Variants in RAD54L2 observed in about 807,000 individuals in gnomAD.
RAD54L2 encodes the protein RAD54 like 2.
A neutral mutation model predicts 138.4 loss-of-function variants in RAD54L2; 27 were observed. That is an observed-to-expected ratio of 0.20 (90% CI 0.14 to 0.27). The LOEUF is 0.27. Ranked by LOEUF, RAD54L2 falls within the 10% of genes least tolerant of loss-of-function variation. The pLI, the probability that RAD54L2 is intolerant of heterozygous loss-of-function variation, is 1.00. For synonymous variants in RAD54L2, 644 were observed against 723.2 expected (o/e 0.89, Z 1.76); for missense variants, 1,396 against 1,890.2 (o/e 0.74, Z 4.85).
chr3:51,600,881 C>T (rs557530004), intron 3 of RAD54L2, among the ~76,000 whole-genome samples: 4 of 151,824 alleles, frequency 2.6e-5, no homozygotes, highest in African/African-American at 7.3e-5. Flanking sequence ...ACAGGAGAAT[C>T]GCTTGAACCC....
rs1224035762 is a variant in RAD54L2, at chr3:51,589,679, T to TAC, written c.-54-687_-54-686insCA. Among the ~76,000 whole-genome samples, 35 of 110,838 alleles carry TAC rather than the reference T, an allele frequency of 3.2e-4. No individual in the cohort carries two copies. In the East Asian group the frequency reaches 5.3e-3, roughly 17 times the overall value. 72.7% of individuals were successfully genotyped at this position (110,838 alleles called of 152,430 possible). On this transcript the variant is annotated intron_variant, in intron 2 of 22. Coordinates refer to ENST00000684192, the MANE Select transcript of RAD54L2 (RefSeq NM_015106.4). ...GGGACTCTATACATATATATATATATATATACACACACACACACACACACA... is the reference window on the plus strand; with the variant it reads ...GGGACTCTATACATATATATATATATACATATACACACACACACACACACACA...
intron 3 of RAD54L2, among the ~76,000 whole-genome samples, chr3:51,594,653 G>A (rs1407388564): frequency 2.0e-5 from 3 of 152,086 alleles, no homozygotes; most frequent in African/African-American, 7.2e-5. Flanking sequence ...TTGAGCAGAG[G>A]TGGAAGGACA....
At chr3:51,563,629 G>A (rs1007545908) in intron 2 of RAD54L2, among the ~76,000 whole-genome samples, 1 of 152,210 alleles carries the variant, frequency 6.6e-6, no homozygotes, top group African/African-American at 2.4e-5. Context: ...ATCAGGGTCA[G>A]TAGTTAGAAA....
chr3:51,659,936 T>C, intron 21 of RAD54L2, 90 bp from the exon 22 acceptor site: 3 of 921,762 alleles, frequency 3.3e-6, no homozygotes, highest in Non-Finnish European at 5.0e-6. Flanking sequence ...GTATAGCTAT[T>C]TACAAGCCCA....
Position 51,626,436 on chromosome 3 carries a change from CTTTTTTTTT to C in RAD54L2, c.140-1099_140-1091del, listed in dbSNP as rs768354274. On this transcript the variant is annotated intron_variant, in intron 3 of 22. Transcript: ENST00000684192. ...TGACATCCCCTGGACCCCCAACGAT[CTTTTTTTTT>C]TTTTTTTTTTTTTTTTTAAGAGGGA... is the stretch of plus-strand genomic sequence containing the variant. Among the ~76,000 whole-genome samples, 58 of 39,396 alleles carry C rather than the reference CTTTTTTTTT, an allele frequency of 1.5e-3. 5 individuals carry two copies. In the South Asian group the frequency reaches 0.066, roughly 45 times the overall value. The allele number at this position is 39,396 out of a possible 152,430, so 25.8% of individuals were successfully genotyped here. A position where few individuals can be genotyped will look rare whatever the true frequency, so the allele number is the denominator to read the frequency against.
chr3:51,572,629 G>A (rs1699361277), intron 2 of RAD54L2, among the ~76,000 whole-genome samples: 1 of 151,110 alleles, frequency 6.6e-6, no homozygotes, highest in Non-Finnish European at 1.5e-5. Flanking sequence ...AAAAGTAAAA[G>A]GTGCTATAAA....
chr3:51,621,908 G>A (rs1006532794), intron 3 of RAD54L2, among the ~76,000 whole-genome samples: 2 of 152,154 alleles, frequency 1.3e-5, no homozygotes, highest in Non-Finnish European at 2.9e-5. Context: ...CCTCTCTTGG[G>A]GAGTCTGCTG....
chr3:51,648,746 A>G (rs1043244344), intron 19 of RAD54L2, among the ~76,000 whole-genome samples: 3 of 152,230 alleles, frequency 2.0e-5, no homozygotes, highest in Admixed American at 2.0e-4. Flanking sequence ...ACAGAAAGGA[A>G]TAGCATCAAC....
At chr3:51,565,471 A>T (rs1699193825) in intron 2 of RAD54L2, among the ~76,000 whole-genome samples, 1 of 152,162 alleles carries the variant, frequency 6.6e-6, no homozygotes, top group Admixed American at 6.5e-5. Flanking sequence ...GAAATATAAT[A>T]GATTTTTATT....
intron 2 of RAD54L2, among the ~76,000 whole-genome samples, chr3:51,583,378 A>G (rs1452715228): frequency 6.6e-6 from 1 of 151,910 alleles, no homozygotes; most frequent in Non-Finnish European, 1.5e-5. Flanking sequence ...GATTGTGTAT[A>G]TTCTTTGGTA....
intron 2 of RAD54L2, among the ~76,000 whole-genome samples, chr3:51,585,716 CCTAATATATTAA>C: frequency 6.6e-6 from 1 of 152,256 alleles, no homozygotes; most frequent in Middle Eastern, 3.4e-3. Flanking sequence ...TTTTAACAAA[CCTAATATATTAA>C]ACTGTAGACT....
intron 3 of RAD54L2, among the ~76,000 whole-genome samples, chr3:51,600,030 G>T (rs1179107797): frequency 6.6e-6 from 1 of 152,106 alleles, no homozygotes; most frequent in African/African-American, 2.4e-5. Context: ...CTGGGTTCCA[G>T]TGATTATCCT....
chr3:51,622,834 G>T (rs1040069855), intron 3 of RAD54L2, among the ~76,000 whole-genome samples: 5 of 152,220 alleles, frequency 3.3e-5, no homozygotes, highest in African/African-American at 1.2e-4. Flanking sequence ...GAAAGTGGTT[G>T]TTGGGTTGGA....
At chr3:51,567,989 A>G (rs942728249) in intron 2 of RAD54L2, among the ~76,000 whole-genome samples, 2 of 150,732 alleles carry the variant, frequency 1.3e-5, no homozygotes, top group Non-Finnish European at 3.0e-5. Context: ...GGACATTTGG[A>G]TGTGAAGGTG....
In RAD54L2 at chr3:51,550,986, G is replaced by T. The variant is rs185869779; in HGVS notation, c.-55+9336G>T. ...CCCCTGAACCCAGGAGGTGGAGATTGCAGTGAGCTGAGATGGCACCACTGT... is the reference window on the plus strand; with the variant it reads ...CCCCTGAACCCAGGAGGTGGAGATTTCAGTGAGCTGAGATGGCACCACTGT... On this transcript the variant is annotated intron_variant, in intron 2 of 22. Transcript: ENST00000684192. Among the ~76,000 whole-genome samples the T allele has an allele frequency of 2.6e-5, 4 of 152,278 alleles. No homozygotes were observed. In the East Asian group the frequency reaches 5.8e-4, roughly 22 times the overall value.
intron 2 of RAD54L2, among the ~76,000 whole-genome samples, chr3:51,573,899 A>G (rs1699399511): frequency 6.6e-6 from 1 of 152,098 alleles, no homozygotes; most frequent in Non-Finnish European, 1.5e-5. Context: ...CACAACGTGT[A>G]GGTTTGTTAC....
intron 2 of RAD54L2, among the ~76,000 whole-genome samples, chr3:51,575,848 C>T (rs1399376061): frequency 1.3e-5 from 2 of 152,104 alleles, no homozygotes; most frequent in Non-Finnish European, 2.9e-5. Flanking sequence ...TTTCTTTCTC[C>T]TGCCTGATTG....
intron 2 of RAD54L2, among the ~76,000 whole-genome samples, chr3:51,588,136 A>G (rs533400753): frequency 6.8e-6 from 1 of 148,114 alleles, no homozygotes; most frequent in African/African-American, 2.5e-5. Context: ...CAGTAAGCCA[A>G]GATCGCACCA....
At chr3:51,591,852 C>G (rs529961964) in intron 3 of RAD54L2, among the ~76,000 whole-genome samples, 9 of 152,218 alleles carry the variant, frequency 5.9e-5, no homozygotes, top group Non-Finnish European at 7.4e-5. Context: ...TTAGATGCTT[C>G]TGGTGAGTGT....
Sources: allele counts gnomAD v4.1 joint callset (sites outside exome capture counted in the v4.1 genomes callset), GRCh38; gene constraint gnomAD v4.1.1; transcripts MANE v1.5; gene names NCBI Gene and HGNC (gene_info 2026-07-23, HGNC 2026-07-21).